Variants in TMEM117 observed in about 807,000 individuals in gnomAD.
TMEM117 encodes transmembrane protein 117.
In TMEM117, 27 loss-of-function variants were observed where a neutral mutation model predicts 52.4. The observed-to-expected ratio is 0.51, with a 90% CI of 0.38 to 0.71. The LOEUF (loss-of-function observed/expected upper bound fraction) is 0.71, where lower values mean the gene tolerates loss of function less well. TMEM117 is among the 30% of genes least tolerant of loss of function. TMEM117 has a pLI of 0.00. For synonymous variants in TMEM117, 215 were observed against 206.3 expected, an observed-to-expected ratio of 1.04 and a Z score of -0.36; for missense variants, 556 against 630.5, an observed-to-expected ratio of 0.88 and a Z score of 1.26.
chr12:44,100,389 C>T (rs1384227096), intron 3 of TMEM117, among the ~76,000 whole-genome samples: 2 of 151,974 alleles, frequency 1.3e-5, no homozygotes, highest in Non-Finnish European at 2.9e-5. Context: ...GATATCTATG[C>T]ATGCGGAGAC....
intron 3 of TMEM117, among the ~76,000 whole-genome samples, chr12:44,080,215 G>T (rs1036918211): frequency 6.6e-6 from 1 of 152,090 alleles, no homozygotes; most frequent in African/African-American, 2.4e-5. Context: ...AGAGGAAAGA[G>T]ATTTAATTGA....
intron 2 of TMEM117, among the ~76,000 whole-genome samples, chr12:43,894,315 C>A (rs879506982): frequency 1.3e-5 from 2 of 152,116 alleles, no homozygotes; most frequent in Non-Finnish European, 2.9e-5. Context: ...ATTGTAAATT[C>A]TTTGAGGGAG....
rs1227838340 is a variant in TMEM117, at chr12:43,884,255, C to T, written c.277+39327C>T. 2.0e-5 allele frequency among the ~76,000 whole-genome samples: 3 copies of T among 151,696 alleles called. No individual in the cohort carries two copies. In the East Asian group the frequency reaches 5.8e-4, roughly 29 times the overall value. On this transcript the variant is annotated intron_variant, in intron 2 of 7. Transcript: ENST00000266534. ...TATTTTACTTGTATGAAAATATTGT[C>T]TTTGCTTATTAATTAAAATGCTTTC...
In TMEM117 at chr12:44,144,285, T is replaced by C. The variant is rs140208117; in HGVS notation, c.510+661T>C. 3.9e-5 allele frequency among the ~76,000 whole-genome samples: 6 copies of C among 152,338 alleles called. No individual in the cohort carries two copies. In the East Asian group the frequency reaches 1.2e-3, roughly 29 times the overall value. On this transcript the variant is annotated intron_variant, in intron 4 of 7. Transcript: ENST00000266534. ...TAATCATTGGGTTAAAATTTAAAGA[T>C]AGCATGTTGCTAGAAGGCTCTGGGT...
At position 43,951,619 on chromosome 12, in the gene TMEM117, G is replaced by A. The variant is rs1945223924; in HGVS notation, c.410+7277G>A. Among the ~76,000 whole-genome samples, 3 of 152,184 alleles carry A rather than the reference G, an allele frequency of 2.0e-5. No homozygotes were observed. In the South Asian group the frequency reaches 6.2e-4, roughly 32 times the overall value. On this transcript the variant is annotated intron_variant, in intron 3 of 7. Coordinates refer to ENST00000266534, the MANE Select transcript of TMEM117 (RefSeq NM_032256.3). ...AGAAAGTCCACCAGCTCCAGTTAGG[G>A]GCTTACAGACTGAACTCTCATCTCC...
intron 6 of TMEM117, among the ~76,000 whole-genome samples, chr12:44,325,845 T>C (rs1209624312): frequency 2.0e-5 from 3 of 152,062 alleles, no homozygotes; most frequent in Admixed American, 2.0e-4. Flanking sequence ...ATAAAACATA[T>C]AAAAAAGGTC....
At position 44,192,920 on chromosome 12, in the gene TMEM117, A is replaced by C. The variant is rs566685583; in HGVS notation, c.511-18370A>C. Among the ~76,000 whole-genome samples, 11 of 152,300 alleles carry C rather than the reference A, an allele frequency of 7.2e-5. No homozygotes were observed. In the East Asian group the frequency reaches 2.1e-3, roughly 29 times the overall value. On this transcript the variant is annotated intron_variant, in intron 4 of 7. Transcript: ENST00000266534. ...GTCAATAAATATATTGTAGGTCCTA[A>C]AAGGTACAAAGTGAAAACTTGGTTA...
intron 5 of TMEM117, among the ~76,000 whole-genome samples, chr12:44,257,830 T>C (rs1950277020): frequency 6.6e-6 from 1 of 152,172 alleles, no homozygotes; most frequent in South Asian, 2.1e-4. Context: ...GGTGTTTCTA[T>C]TTTTAAATAA....
chr12:44,333,394 T>C (rs1438663032), intron 6 of TMEM117, among the ~76,000 whole-genome samples: 1 of 152,012 alleles, frequency 6.6e-6, no homozygotes, highest in Non-Finnish European at 1.5e-5. Flanking sequence ...CATATTGATA[T>C]GGTTTGGCTG....
intron 3 of TMEM117, among the ~76,000 whole-genome samples, chr12:43,947,223 T>G (rs577220467): frequency 1.2e-4 from 18 of 152,246 alleles, no homozygotes; most frequent in Non-Finnish European, 2.5e-4. Flanking sequence ...TAGTCCTAGC[T>G]ACTTGGAAAG....
chr12:44,064,336 T>C (rs2137963887), intron 3 of TMEM117, among the ~76,000 whole-genome samples: 1 of 152,332 alleles, frequency 6.6e-6, no homozygotes, highest in African/African-American at 2.4e-5. Flanking sequence ...GCAATATGTA[T>C]ATATGTATTT....
chr12:43,795,857 A>G, the TMEM117 span: 1 of 1,174,858 alleles, frequency 8.5e-7, no homozygotes, highest in Non-Finnish European at 1.2e-6. Flanking sequence ...CTTTCCAGTA[A>G]GGCAGAATCA....
chr12:43,889,719 C>T (rs1292874948), intron 2 of TMEM117, among the ~76,000 whole-genome samples: 1 of 152,160 alleles, frequency 6.6e-6, no homozygotes, highest in Non-Finnish European at 1.5e-5. Context: ...CAGACTATAA[C>T]CACTTTGCTG....
intron 6 of TMEM117, among the ~76,000 whole-genome samples, chr12:44,302,768 T>C (rs1950857161): frequency 6.6e-6 from 1 of 152,130 alleles, no homozygotes; most frequent in Admixed American, 6.5e-5. Flanking sequence ...GTACATGTGG[T>C]AAGAGAGTTA....
intron 3 of TMEM117, among the ~76,000 whole-genome samples, chr12:43,949,264 G>A (rs995333701): frequency 6.6e-5 from 10 of 152,130 alleles, no homozygotes; most frequent in South Asian, 2.1e-4. Context: ...AGGGCCAAGC[G>A]GACAACTTGA....
chr12:43,967,564 A>G (rs61933008), intron 3 of TMEM117, among the ~76,000 whole-genome samples: 17,541 of 152,108 alleles, frequency 0.12, 1,307 homozygotes, highest in Middle Eastern at 0.22. Context: ...GCAAGCAACT[A>G]TCTCCAGATA....
chr12:44,076,195 T>C (rs978086094), intron 3 of TMEM117, among the ~76,000 whole-genome samples: 2 of 152,218 alleles, frequency 1.3e-5, no homozygotes, highest in African/African-American at 4.8e-5. Context: ...TGTAAAGCAC[T>C]GGAAGTACTT....
chr12:43,797,083 T>C, the TMEM117 span: 28 of 1,594,936 alleles, frequency 1.8e-5, no homozygotes, highest in Middle Eastern at 1.7e-4. Flanking sequence ...TATCCAGGCA[T>C]TGAATAAATA....
At chr12:43,818,568 G>A in the TMEM117 span, among the ~76,000 whole-genome samples, 1 of 152,136 alleles carries the variant, frequency 6.6e-6, no homozygotes, top group Non-Finnish European at 1.5e-5. Context: ...AGCCTCCCGA[G>A]TAGCTGGGAC....
Sources: gnomAD v4.1 joint callset for allele counts (sites outside exome capture counted in the v4.1 genomes callset) on GRCh38, gnomAD v4.1.1 for gene constraint, MANE v1.5 for transcripts, NCBI Gene and HGNC (gene_info 2026-07-23, HGNC 2026-07-21) for gene names.